Variants in KYNU observed in about 807,000 individuals in gnomAD.
KYNU encodes kynureninase.
Under a neutral mutation model 59.2 loss-of-function variants are expected in KYNU, and 54 were observed. That is an observed-to-expected ratio of 0.91 (90% CI 0.73 to 1.14). The LOEUF is 1.14. Ranked by LOEUF, KYNU falls within the 50% of genes most tolerant of loss-of-function variation. KYNU has a pLI of 0.00. For synonymous variants in KYNU, 177 were observed against 192.0 expected (o/e 0.92, Z 0.65); for missense variants, 567 against 554.4 (o/e 1.02, Z -0.23).
chr2:142,959,532 G>C (rs959955068), intron 7 of KYNU, among the ~76,000 whole-genome samples: 1 of 151,696 alleles, frequency 6.6e-6, no homozygotes, highest in African/African-American at 2.4e-5. Flanking sequence ...GTTGTGGTGA[G>C]CCAAGATCGC....
Position 143,046,287 on chromosome 2 carries a change from T to G in KYNU, c.*4115T>G, listed in dbSNP as rs1190319986. 6.6e-6 allele frequency: 1 copy of G among 152,196 alleles called. No individual in the cohort carries two copies. Among genetic ancestry groups the G allele is most frequent in the Non-Finnish European group, 1.5e-5 (1 of 68,026 alleles). 9.4% of individuals were successfully genotyped at this position (152,196 alleles called of 1,614,324 possible). A position where few individuals can be genotyped will look rare whatever the true frequency, so the allele number is the denominator to read the frequency against. On this transcript the variant is annotated 3_prime_UTR_variant, in exon 14 of 14. Transcript: ENST00000264170. ...GTGCATGAATATTGTATCAATGCAA[T>G]TATACTGTATATATTCTGCTTTTGC...
chr2:142,917,296 G>T (rs1341513205), intron 2 of KYNU, among the ~76,000 whole-genome samples: 1 of 152,176 alleles, frequency 6.6e-6, no homozygotes, highest in Non-Finnish European at 1.5e-5. Context: ...TGGCACTGAA[G>T]GACTGGGAAC....
chr2:142,918,256 T>G (rs973421817), intron 2 of KYNU, among the ~76,000 whole-genome samples: 2 of 152,210 alleles, frequency 1.3e-5, no homozygotes, highest in Non-Finnish European at 2.9e-5. Flanking sequence ...GGTAATCTTC[T>G]TATACAATTA....
At position 142,968,196 on chromosome 2, in the gene KYNU, A is replaced by C. The variant is rs553204448; in HGVS notation, c.729+7426A>C. Among the ~76,000 whole-genome samples, 9 of 152,302 alleles carry C rather than the reference A, an allele frequency of 5.9e-5. No homozygotes were observed. In the South Asian group the frequency reaches 1.9e-3, roughly 32 times the overall value. On this transcript the variant is annotated intron_variant, in intron 8 of 13. Transcript: ENST00000264170. The stretch of plus-strand genomic sequence containing the variant: ...CATATTTGGTCAGTAAATTATAATA[A>C]AGGAGTTGCAAATAGAAACACCTAA...
At position 142,960,445 on chromosome 2, in the gene KYNU, C is replaced by G. The variant is rs570017923; in HGVS notation, c.583-179C>G. Among the ~76,000 whole-genome samples the G allele has an allele frequency of 2.6e-5, 4 of 151,916 alleles. No individual in the cohort carries two copies. In the East Asian group the frequency reaches 7.7e-4, roughly 29 times the overall value. Reference sequence around the variant, plus strand: ...ACTTTTTACTTTTTAATTATCATTTCTTAATAATAAAAATTATGCTCAAAT... The same window carrying G: ...ACTTTTTACTTTTTAATTATCATTTGTTAATAATAAAAATTATGCTCAAAT... On this transcript the variant is annotated intron_variant, in intron 7 of 13. Transcript: ENST00000264170.
At chr2:142,910,326 C>T (rs896057700) in intron 2 of KYNU, among the ~76,000 whole-genome samples, 34 of 151,598 alleles carry the variant, frequency 2.2e-4, no homozygotes, top group African/African-American at 9.7e-5. Context: ...TTAGTAGAGA[C>T]GGGGTTTCAC....
At chr2:142,913,125 T>G (rs1371021296) in intron 2 of KYNU, among the ~76,000 whole-genome samples, 1 of 152,240 alleles carries the variant, frequency 6.6e-6, no homozygotes, top group Non-Finnish European at 1.5e-5. Context: ...CTGCTGATTT[T>G]GTTTATCCTT....
intron 10 of KYNU, among the ~76,000 whole-genome samples, chr2:143,016,947 G>A (rs148488427): frequency 3.9e-5 from 6 of 152,136 alleles, no homozygotes; most frequent in African/African-American, 1.2e-4. Context: ...TTATGTCCAC[G>A]TTCCCATCTT....
At chr2:142,883,082 T>C (rs542643184) in intron 1 of KYNU, among the ~76,000 whole-genome samples, 3 of 152,324 alleles carry the variant, frequency 2.0e-5, no homozygotes, top group African/African-American at 7.2e-5. Flanking sequence ...TAAGTGGTTT[T>C]TATTTAATGT....
chr2:142,957,331 C>T (rs984327156), intron 6 of KYNU, among the ~76,000 whole-genome samples: 3 of 152,060 alleles, frequency 2.0e-5, no homozygotes, highest in Admixed American at 6.6e-5. Flanking sequence ...CCCTACTATT[C>T]ATTTTGCTTA....
At chr2:143,005,553 C>T (rs1382818900) in intron 10 of KYNU, among the ~76,000 whole-genome samples, 7 of 151,854 alleles carry the variant, frequency 4.6e-5, no homozygotes, top group South Asian at 2.1e-4. Flanking sequence ...GTAAATTTCC[C>T]GGGAAAGCAG....
At position 143,044,662 on chromosome 2, in the gene KYNU, C is replaced by T. The variant is rs1396260288; in HGVS notation, c.*2490C>T. 6.6e-6 allele frequency: 1 copy of T among 152,092 alleles called. No individual in the cohort carries two copies. The highest frequency in any genetic ancestry group is 1.5e-5 in the Non-Finnish European group (1 of 68,036). The allele number at this position is 152,092 out of a possible 1,614,324, so 9.4% of individuals were successfully genotyped here. A position where few individuals can be genotyped will look rare whatever the true frequency, so the allele number is the denominator to read the frequency against. ...AGAAGTGTCTGTTCGTATCCTTCACCCACTTTTTGATGGGGTTGTGTTTTT... is the reference window on the plus strand; with the variant it reads ...AGAAGTGTCTGTTCGTATCCTTCACTCACTTTTTGATGGGGTTGTGTTTTT... On this transcript the variant is annotated 3_prime_UTR_variant, in exon 14 of 14. Transcript: ENST00000264170.
intron 13 of KYNU, among the ~76,000 whole-genome samples, chr2:143,041,743 C>T (rs569585872): frequency 6.9e-4 from 103 of 149,314 alleles, no homozygotes; most frequent in African/African-American, 2.4e-3. Flanking sequence ...GGGGTCCCCA[C>T]GGGAAAAAAA....
intron 8 of KYNU, among the ~76,000 whole-genome samples, chr2:142,963,066 G>A (rs1004043633): frequency 4.6e-5 from 7 of 152,178 alleles, no homozygotes; most frequent in South Asian, 2.1e-4. Context: ...GTGGGATGGA[G>A]CAATGAGAGT....
chr2:142,915,862 C>G (rs769391718), intron 2 of KYNU, among the ~76,000 whole-genome samples: 3 of 152,058 alleles, frequency 2.0e-5, no homozygotes, highest in Non-Finnish European at 4.4e-5. Context: ...CCACCTGTTC[C>G]TAATACTGTC....
chr2:142,992,749 C>T (rs761301155), intron 10 of KYNU, among the ~76,000 whole-genome samples: 8 of 151,822 alleles, frequency 5.3e-5, no homozygotes, highest in Non-Finnish European at 1.0e-4. Flanking sequence ...GAGAATGATC[C>T]TGAGTTTATT....
chr2:143,035,316 A>T (rs1686865297), intron 12 of KYNU, among the ~76,000 whole-genome samples: 1 of 152,194 alleles, frequency 6.6e-6, no homozygotes, highest in African/African-American at 2.4e-5. Context: ...AATCACTTAC[A>T]TATTTCCCTT....
intron 7 of KYNU, 184 bp downstream of exon 7, chr2:142,957,899 T>C: frequency 1.8e-6 from 1 of 550,478 alleles, no homozygotes; most frequent in Non-Finnish European, 3.2e-6. Flanking sequence ...CAGATGTGTA[T>C]TTATTTTCAT....
chr2:142,964,246 T>C (rs1401744685), intron 8 of KYNU, among the ~76,000 whole-genome samples: 1 of 152,130 alleles, frequency 6.6e-6, no homozygotes, highest in Non-Finnish European at 1.5e-5. Context: ...TAATACATGC[T>C]ACTCTAAATA....
Sources: gnomAD v4.1 joint callset for allele counts (sites outside exome capture counted in the v4.1 genomes callset) on GRCh38, gnomAD v4.1.1 for gene constraint, MANE v1.5 for transcripts, NCBI Gene and HGNC (gene_info 2026-07-23, HGNC 2026-07-21) for gene names.